Variants in PIEZO2 observed in about 807,000 individuals in gnomAD.
The protein encoded by PIEZO2 is piezo-type mechanosensitive ion channel component 2.
PIEZO2 carries 172 observed loss-of-function variants against 337.3 expected under a neutral mutation model. The observed-to-expected ratio is 0.51, with a 90% CI of 0.45 to 0.58. The LOEUF (loss-of-function observed/expected upper bound fraction) is 0.58. Ranked by LOEUF, PIEZO2 falls within the 20% of genes least tolerant of loss-of-function variation. PIEZO2 has a pLI of 0.00. For synonymous variants in PIEZO2, 1,251 were observed against 1,228.5 expected (o/e 1.02, Z -0.38); for missense variants, 3,028 against 3,391.3 (o/e 0.89, Z 2.66).
chr18:10,697,837 A>C lies in PIEZO2; in HGVS notation c.6738T>G (p.Val2246=). Residue 2246 remains valine (V), a synonymous_variant, in exon 45 of 56, where the codon GTT becomes GTG. Transcript: ENST00000674853. ...TTTTGCCTTTTTGCTTAATACTCAA[A>C]ACACTGCTTCCTTTTTGACTGCTGT... is the stretch of plus-strand genomic sequence containing the variant. ...TRNSSQKGSS[V]LSIKQKGKRE... is the part of the protein sequence containing the mutation. 1 of 1,614,122 alleles carries C rather than the reference A, an allele frequency of 6.2e-7. No homozygotes were observed. Among genetic ancestry groups the C allele is most frequent in the South Asian group, 1.1e-5 (1 of 91,066 alleles).
intron 3 of PIEZO2, among the ~76,000 whole-genome samples, chr18:10,934,437 A>G (rs1199697221): frequency 6.6e-6 from 1 of 152,206 alleles, no homozygotes; most frequent in African/African-American, 2.4e-5. Flanking sequence ...AGCAAAATTC[A>G]GTGGAAAAGT....
chr18:11,088,019 T>C (rs951699284), intron 1 of PIEZO2, among the ~76,000 whole-genome samples: 4 of 152,276 alleles, frequency 2.6e-5, no homozygotes, highest in Non-Finnish European at 4.4e-5. Flanking sequence ...AAGAAGTCAC[T>C]GCTTGGACGC....
intron 18 of PIEZO2, among the ~76,000 whole-genome samples, chr18:10,774,323 G>A (rs115550473): frequency 0.01 from 1,526 of 152,296 alleles, 13 homozygotes; most frequent in African/African-American, 0.034. Flanking sequence ...TGCTTTTTTA[G>A]TAACGCAACA....
rs1215187328 is a variant in PIEZO2 at position 10,899,703 on chromosome 18, C to T, written c.329+11483G>A. Reference sequence around the variant, plus strand: ...ATATCAAACAGCATGAATTTCCTGTCTACTGTTCATCATGCTGTCTACACC... The same window carrying T: ...ATATCAAACAGCATGAATTTCCTGTTTACTGTTCATCATGCTGTCTACACC... On this transcript the variant is annotated intron_variant, in intron 4 of 55. Coordinates refer to ENST00000674853, the MANE Select transcript of PIEZO2 (RefSeq NM_001378183.1). This position sits in a 1 kb window ranked among gnomAD's most constrained non-coding sequence, Gnocchi z 4.6. 6.6e-6 allele frequency among the ~76,000 whole-genome samples: 1 copy of T among 152,190 alleles called. No individual in the cohort carries two copies. The highest frequency in any genetic ancestry group is 1.5e-5 in the Non-Finnish European group (1 of 68,024).
Position 10,766,644 on chromosome 18 carries a change from C to A in PIEZO2, c.2946+3504G>T, listed in dbSNP as rs1006946036. Among the ~76,000 whole-genome samples, 3 of 152,162 alleles carry A rather than the reference C, an allele frequency of 2.0e-5. No homozygotes were observed. The highest frequency in any genetic ancestry group is 2.9e-5 in the Non-Finnish European group (2 of 68,022). ...TCCCTGGCTTCCCTCTCCCAGAGAA[C>A]CCCAGTTGCAACTATCACCTCCAGG... is the stretch of plus-strand genomic sequence containing the variant. On this transcript the variant is annotated intron_variant, in intron 21 of 55. Coordinates refer to ENST00000674853, the MANE Select transcript of PIEZO2 (RefSeq NM_001378183.1). This position sits in a 1 kb window ranked among gnomAD's most constrained non-coding sequence, Gnocchi z 6.1.
At chr18:10,843,653 T>C (rs1265807753) in intron 7 of PIEZO2, among the ~76,000 whole-genome samples, 1 of 152,204 alleles carries the variant, frequency 6.6e-6, no homozygotes, top group Non-Finnish European at 1.5e-5. Flanking sequence ...TTTTTTCACA[T>C]AGCAAGCATT....
At chr18:11,107,919 C>G (rs956071855) in intron 1 of PIEZO2, among the ~76,000 whole-genome samples, 2 of 152,184 alleles carry the variant, frequency 1.3e-5, no homozygotes, top group East Asian at 3.8e-4. Context: ...GTATACGTTA[C>G]TAAACTTATA....
In PIEZO2 at chr18:10,895,262, A is replaced by G. The variant is rs2042865075; in HGVS notation, c.329+15924T>C. Among the ~76,000 whole-genome samples, 1 of 152,126 alleles carries G rather than the reference A, an allele frequency of 6.6e-6. No individual in the cohort carries two copies. The highest frequency in any genetic ancestry group is 2.4e-5 in the African/African-American group (1 of 41,442). On this transcript the variant is annotated intron_variant, in intron 4 of 55. Coordinates refer to ENST00000674853, the MANE Select transcript of PIEZO2 (RefSeq NM_001378183.1). This position sits in a 1 kb window ranked among gnomAD's most constrained non-coding sequence, Gnocchi z 4.8. ...GGAGATCGAGACCAGCCTGGCCAAC[A>G]TGGTGAAACCCCATTTCTACTAAAA...
chr18:10,979,414 C>T lies in PIEZO2; in HGVS notation c.286+121G>A. 3.5e-6 allele frequency: 4 copies of T among 1,149,032 alleles called. No homozygotes were observed. The highest frequency in any genetic ancestry group is 4.5e-6 in the Non-Finnish European group (4 of 887,180). 71.2% of individuals were successfully genotyped at this position (1,149,032 alleles called of 1,614,324 possible). On this transcript the variant is annotated intron_variant, in intron 3 of 55. Transcript: ENST00000674853. This position sits in a 1 kb window ranked among gnomAD's most constrained non-coding sequence, Gnocchi z 4.0. ...TGCATTGCCAAAGACCAAAAATTTC[C>T]ATGAATTTTATAATTTAATTATTGC...
chr18:10,898,929 C>T (rs1475565926), intron 4 of PIEZO2, among the ~76,000 whole-genome samples: 2 of 152,136 alleles, frequency 1.3e-5, no homozygotes, highest in Non-Finnish European at 2.9e-5. Flanking sequence ...GCCTGGGAGT[C>T]CTGCCTGACC....
intron 36 of PIEZO2, among the ~76,000 whole-genome samples, 153 bp downstream of exon 36, chr18:10,731,254 A>G (rs1055996007): frequency 6.8e-6 from 1 of 146,520 alleles, no homozygotes; most frequent in African/African-American, 2.5e-5. Flanking sequence ...TCCAAGTGTC[A>G]GAAATGACCA....
At chr18:10,949,168 T>A (rs1467827370) in intron 3 of PIEZO2, among the ~76,000 whole-genome samples, 1 of 151,896 alleles carries the variant, frequency 6.6e-6, no homozygotes, top group African/African-American at 2.4e-5. Context: ...ACATTTTGAA[T>A]TTTTTAATTG....
rs189983582 is a variant in PIEZO2 at position 10,679,598 on chromosome 18, T to G, written c.7952+601A>C. ...GCTCTGCCTTCATTTCTAGTGTTTATGTGAAAGCACGTGGCCAGTTCTTGC... is the reference window on the plus strand; with the variant it reads ...GCTCTGCCTTCATTTCTAGTGTTTAGGTGAAAGCACGTGGCCAGTTCTTGC... On this transcript the variant is annotated intron_variant, in intron 52 of 55. Transcript: ENST00000674853. 1.2e-3 allele frequency among the ~76,000 whole-genome samples: 177 copies of G among 152,370 alleles called. 1 individual carries two copies. The highest frequency in any genetic ancestry group is 4.2e-3 in the African/African-American group (174 of 41,586).
At chr18:11,136,870 A>G (rs1016102791) in intron 1 of PIEZO2, among the ~76,000 whole-genome samples, 3 of 152,194 alleles carry the variant, frequency 2.0e-5, no homozygotes, top group Admixed American at 6.5e-5. Flanking sequence ...TACATTCAGT[A>G]TTTTACTCAG....
rs865939289 is a variant in PIEZO2, at chr18:10,684,476, T to C, written c.7498-2184A>G. On this transcript the variant is annotated intron_variant, in intron 49 of 55. Coordinates refer to ENST00000674853, the MANE Select transcript of PIEZO2 (RefSeq NM_001378183.1). ...CACTGCGCCCGGCCTGTTTTTTTTT[T>C]TTTTTTTCTTGATGGAGTCTTGCTG... is the stretch of plus-strand genomic sequence containing the variant. Among the ~76,000 whole-genome samples the C allele has an allele frequency of 7.9e-4, 117 of 148,980 alleles. 2 individuals carry two copies. Among genetic ancestry groups the C allele is most frequent in the African/African-American group, 2.9e-3 (115 of 40,182 alleles).
chr18:10,987,966 T>C (rs1345035927), intron 2 of PIEZO2, among the ~76,000 whole-genome samples: 1 of 151,958 alleles, frequency 6.6e-6, no homozygotes, highest in Non-Finnish European at 1.5e-5. Flanking sequence ...ATGAAGGAAA[T>C]GCAAAACAAA....
chr18:10,958,725 A>G (rs78193502), intron 3 of PIEZO2, among the ~76,000 whole-genome samples: 4,284 of 152,300 alleles, frequency 0.028, 82 homozygotes, highest in Middle Eastern at 0.071. Context: ...CTTAATAGAA[A>G]CAAAAAGCTA....
intron 2 of PIEZO2, among the ~76,000 whole-genome samples, chr18:10,981,844 T>G (rs1203641142): frequency 6.6e-6 from 1 of 152,202 alleles, no homozygotes; most frequent in Non-Finnish European, 1.5e-5. Context: ...GGATGCTTCC[T>G]GCCCTTGAAC....
At chr18:10,871,100 G>A (rs1233508384) in intron 5 of PIEZO2, among the ~76,000 whole-genome samples, 153 bp downstream of exon 5, 1 of 152,044 alleles carries the variant, frequency 6.6e-6, no homozygotes, top group African/African-American at 2.4e-5. Context: ...ACTGCACGAG[G>A]GTGTCATGCA....
Sources: gnomAD v4.1 joint callset for allele counts (sites outside exome capture counted in the v4.1 genomes callset) on GRCh38, gnomAD v4.1.1 for gene constraint, Gnocchi (gnomAD v3.1) non-coding constraint, MANE v1.5 for transcripts, NCBI Gene and HGNC (gene_info 2026-07-23, HGNC 2026-07-21) for gene names.